The following IGF2BP2 variants were observed in gnomAD, a reference collection of about 807,000 sequenced individuals.
IGF2BP2 encodes the protein insulin-like growth factor 2 mRNA-binding protein 2.
Under a neutral mutation model 75.8 loss-of-function variants are expected in IGF2BP2, and 17 were observed. The observed-to-expected ratio is 0.22, with a 90% CI of 0.15 to 0.34. The LOEUF is 0.34. Ranked by LOEUF, IGF2BP2 falls within the 10% of genes least tolerant of loss-of-function variation. IGF2BP2 has a pLI of 1.00. For missense variants in IGF2BP2, 516 were observed against 772.4 expected (o/e 0.67, Z 3.93); for synonymous variants, 288 against 295.6 (o/e 0.97, Z 0.26).
At chr3:185,705,565 GAAAA>G (rs11350184) in intron 2 of IGF2BP2, among the ~76,000 whole-genome samples, 2 of 148,118 alleles carry the variant, frequency 1.4e-5, no homozygotes, top group Non-Finnish European at 1.5e-5. Flanking sequence ...AATGAAACAG[GAAAA>G]AAAAAAAATC....
chr3:185,649,511 T>C lies in IGF2BP2; in HGVS notation c.1485A>G (p.Lys495=), dbSNP rs746630574. The change falls in exon 14 of 16, where the codon AAA becomes AAG. Residue 495 remains lysine, a synonymous_variant. Coordinates refer to ENST00000382199, the MANE Select transcript of IGF2BP2 (RefSeq NM_006548.6). Reference sequence around the variant, plus strand: ...GGTTAAAGAAGTTTTCCTCTTTCAGTTTCCCAAAGATCCGTCCCTGGGCCT... The same window carrying C: ...GGTTAAAGAAGTTTTCCTCTTTCAGCTTCCCAAAGATCCGTCCCTGGGCCT... ...QFKAQGRIFG[K]LKEENFFNPK... The C allele has an allele frequency of 6.2e-7, 1 of 1,614,130 alleles. No homozygotes were observed. Among genetic ancestry groups the C allele is most frequent in the South Asian group, 1.1e-5 (1 of 91,082 alleles).
intron 2 of IGF2BP2, among the ~76,000 whole-genome samples, chr3:185,715,332 G>A (rs1725425041): frequency 6.6e-6 from 1 of 152,148 alleles, no homozygotes; most frequent in Admixed American, 6.5e-5. Flanking sequence ...AGAACCCATG[G>A]CAAAGACTTC....
chr3:185,767,170 T>A (rs1163819739), intron 2 of IGF2BP2, among the ~76,000 whole-genome samples: 1 of 152,240 alleles, frequency 6.6e-6, no homozygotes, highest in East Asian at 1.9e-4. Flanking sequence ...AGACCAGTTC[T>A]GCAGACTATC....
intron 10 of IGF2BP2, among the ~76,000 whole-genome samples, chr3:185,667,117 T>C (rs1162995432): frequency 6.6e-6 from 1 of 152,240 alleles, no homozygotes; most frequent in Non-Finnish European, 1.5e-5. Context: ...AGATTCTATG[T>C]TGGCATTCGA....
intron 14 of IGF2BP2, 88 bp downstream of exon 14, chr3:185,649,315 A>C: frequency 1.5e-5 from 23 of 1,493,968 alleles, no homozygotes; most frequent in East Asian, 2.3e-5. Flanking sequence ...TTGGGACAGA[A>C]GGCGCCAAGG....
At chr3:185,763,045 G>GT (rs898174381) in intron 2 of IGF2BP2, among the ~76,000 whole-genome samples, 2 of 152,086 alleles carry the variant, frequency 1.3e-5, no homozygotes, top group African/African-American at 2.4e-5. Flanking sequence ...CTGTATAGAT[G>GT]TTTTTTTGTT....
rs1475506362 is a variant in IGF2BP2 at position 185,678,650 on chromosome 3, T to C, written c.813-2737A>G. ...GAATGTTCTTGTATGTCTGTTGGTC[T>C]ATAGTGTTGTTCCAATTCTATTTCC... On this transcript the variant is annotated intron_variant, in intron 7 of 15. Coordinates refer to ENST00000382199, the MANE Select transcript of IGF2BP2 (RefSeq NM_006548.6). Among the ~76,000 whole-genome samples, 9 of 152,352 alleles carry C rather than the reference T, an allele frequency of 5.9e-5. No individual in the cohort carries two copies. The South Asian group carries it at 1.0e-3, about 18-fold the overall frequency.
chr3:185,668,760 AT>A (rs1466066990), intron 10 of IGF2BP2, among the ~76,000 whole-genome samples: 1 of 152,082 alleles, frequency 6.6e-6, no homozygotes, highest in Non-Finnish European at 1.5e-5. Context: ...ATGACAAATC[AT>A]TAAGAAAAAG....
Position 185,649,484 on chromosome 3 carries a change from G to A in IGF2BP2, c.1512C>T (p.Pro504=), listed in dbSNP as rs758092673. The stretch of plus-strand genomic sequence containing the variant: ...GCGCTTCCAGCTTCACTTCTTCTTT[G>A]GGGTTAAAGAAGTTTTCCTCTTTCA... ...GKLKEENFFN[P]KEEVKLEAHI... The change falls in exon 14 of 16, where the codon CCC becomes CCT. Residue 504 remains proline (P), a synonymous_variant. Transcript: ENST00000382199. The A allele has an allele frequency of 1.9e-6, 3 of 1,613,960 alleles. No individual in the cohort carries two copies. In the East Asian group the frequency reaches 6.7e-5, roughly 36 times the overall value.
chr3:185,753,238 T>C (rs986019413), intron 2 of IGF2BP2, among the ~76,000 whole-genome samples: 1 of 151,962 alleles, frequency 6.6e-6, no homozygotes, highest in South Asian at 2.1e-4. Flanking sequence ...GTGTTAGAGG[T>C]GATATAACTC....
chr3:185,698,416 G>T, intron 2 of IGF2BP2, 69 bp from the exon 3 acceptor site: 4 of 1,414,926 alleles, frequency 2.8e-6, no homozygotes, highest in Non-Finnish European at 4.0e-6. Flanking sequence ...AATAAAAACC[G>T]GCTTAAACCC....
chr3:185,800,617 A>T (rs1160330714), intron 2 of IGF2BP2, among the ~76,000 whole-genome samples: 1 of 151,724 alleles, frequency 6.6e-6, no homozygotes, highest in African/African-American at 2.4e-5. Flanking sequence ...CATGCCTATA[A>T]TCCCAGCTAC....
intron 2 of IGF2BP2, among the ~76,000 whole-genome samples, chr3:185,740,819 G>A (rs1243415589): frequency 6.6e-6 from 1 of 152,114 alleles, no homozygotes; most frequent in Non-Finnish European, 1.5e-5. Flanking sequence ...CTCACTCAAG[G>A]GACTGTCAAG....
intron 2 of IGF2BP2, among the ~76,000 whole-genome samples, chr3:185,703,995 T>G (rs1198357444): frequency 2.0e-5 from 3 of 152,084 alleles, no homozygotes; most frequent in African/African-American, 7.2e-5. Context: ...CATTGGAGAA[T>G]TAGGCCAACT....
At chr3:185,700,303 T>C (rs558855565) in intron 2 of IGF2BP2, among the ~76,000 whole-genome samples, 102 of 152,332 alleles carry the variant, frequency 6.7e-4, no homozygotes, top group African/African-American at 2.3e-3. Context: ...TTATGAAATG[T>C]CACAGGGGCA....
chr3:185,813,196 G>A (rs1199098919), intron 2 of IGF2BP2, among the ~76,000 whole-genome samples: 4 of 152,030 alleles, frequency 2.6e-5, no homozygotes, highest in Non-Finnish European at 4.4e-5. Flanking sequence ...TGAGTAACCA[G>A]TACCTTTGTC....
intron 2 of IGF2BP2, among the ~76,000 whole-genome samples, chr3:185,798,691 G>A (rs561746194): frequency 4.6e-5 from 7 of 152,080 alleles, no homozygotes; most frequent in South Asian, 2.1e-4. Context: ...CTGCTTTTAC[G>A]AGGGAGTTTT....
At position 185,658,471 on chromosome 3, in the gene IGF2BP2, G is replaced by A. The variant is rs1715836423; in HGVS notation, c.1201-62C>T. On this transcript the variant is annotated intron_variant, in intron 10 of 15. Coordinates refer to ENST00000382199, the MANE Select transcript of IGF2BP2 (RefSeq NM_006548.6). ...CTCAGGGACTGTCACTGGCCTCAGGGAGGCCAGATTCCCAACATGCGACAC... is the reference window on the plus strand; with the variant it reads ...CTCAGGGACTGTCACTGGCCTCAGGAAGGCCAGATTCCCAACATGCGACAC... 5 of 1,436,418 alleles carry A rather than the reference G, an allele frequency of 3.5e-6. No homozygotes were observed. In the South Asian group the frequency reaches 4.8e-5, roughly 14 times the overall value. 89.0% of individuals were successfully genotyped at this position (1,436,418 alleles called of 1,614,324 possible).
At chr3:185,718,684 C>CA (rs10699427) in intron 2 of IGF2BP2, among the ~76,000 whole-genome samples, 30,537 of 49,584 alleles carry the variant, frequency 0.62, 9,349 homozygotes, top group South Asian at 0.67. Flanking sequence ...GACTCTGTCT[C>CA]AAAAAAAAAA....
Sources: gnomAD v4.1 joint callset for allele counts (sites outside exome capture counted in the v4.1 genomes callset) on GRCh38, gnomAD v4.1.1 for gene constraint, MANE v1.5 for transcripts, NCBI Gene and HGNC (gene_info 2026-07-23, HGNC 2026-07-21) for gene names.